The following RECQL5 variants were observed in gnomAD, a reference collection of about 807,000 sequenced individuals.
RECQL5 encodes RecQ like helicase 5.
In RECQL5, 88 loss-of-function variants were observed where a neutral mutation model predicts 103.4. The ratio of observed to expected loss-of-function variants is 0.85; its 90% CI spans 0.72 to 1.02. RECQL5 has a LOEUF of 1.02. Among genes scored for constraint, RECQL5 ranks in the 50% least tolerant of loss-of-function variants. The probability of loss-of-function intolerance (pLI) is 0.00; values close to 1 mark genes in which losing one functional copy is unlikely to be tolerated. For synonymous variants in RECQL5, 552 were observed against 507.9 expected (o/e 1.09, Z -1.17); for missense variants, 1,232 against 1,284.3 (o/e 0.96, Z 0.62).
intron 8 of RECQL5, chr17:75,650,784 A>G: frequency 2.5e-6 from 4 of 1,568,734 alleles, no homozygotes; most frequent in Non-Finnish European, 2.6e-6. Flanking sequence ...AAGTGGGGCC[A>G]CAGGCTTCTG....
chr17:75,629,222 C>CT lies in RECQL5; in HGVS notation c.2200dup (p.Ser734LysfsTer14), dbSNP rs1568255229. On this transcript the variant is annotated frameshift_variant, in exon 16 of 20. Transcript: ENST00000317905. LOFTEE classifies it high-confidence loss of function. The stretch of plus-strand genomic sequence containing the variant: ...GGCAAGGGAGCTGCCCCCAGAGGAA[C>CT]TTTTTGCCTTCTTCTCAGGGGAGGG... The CT allele has an allele frequency of 2.5e-6, 4 of 1,613,020 alleles. No individual in the cohort carries two copies. In the South Asian group the frequency reaches 3.3e-5, roughly 13 times the overall value.
rs1280160898 is a variant in RECQL5, at chr17:75,666,641, A to G, written c.-14-70T>C. 8 of 1,455,144 alleles carry G rather than the reference A, an allele frequency of 5.5e-6. No homozygotes were observed. The Admixed American group carries it at 1.7e-4, about 32-fold the overall frequency. 90.1% of individuals were successfully genotyped at this position (1,455,144 alleles called of 1,614,324 possible). A position where few individuals can be genotyped will look rare whatever the true frequency, so the allele number is the denominator to read the frequency against. ...ACCCTCTGTTTTGCATTAAAAATAC[A>G]GATTATTTTTCTGTAACAATTTGCT... On this transcript the variant is annotated intron_variant, in intron 1 of 19. Coordinates refer to ENST00000317905, the MANE Select transcript of RECQL5 (RefSeq NM_004259.7).
At position 75,628,818 on chromosome 17, in the gene RECQL5, C is replaced by T. The variant is rs374712077; in HGVS notation, c.2490-56G>A. On this transcript the variant is annotated intron_variant, in intron 16 of 19. Coordinates refer to ENST00000317905, the MANE Select transcript of RECQL5 (RefSeq NM_004259.7). ...CTGGGTCCTGGTGGCTCCCTCATCC[C>T]AGGAGGCCTAGGAGAGCCCATCTCA... The T allele has an allele frequency of 4.4e-6, 7 of 1,603,920 alleles. No homozygotes were observed. The African/African-American group carries it at 6.7e-5, about 15-fold the overall frequency.
At chr17:75,633,766 AG>A (rs1203114772) in intron 8 of RECQL5, 1 of 1,023,096 alleles carries the variant, frequency 9.8e-7, no homozygotes, top group Non-Finnish European at 1.2e-6. Context: ...CCACAGGCTC[AG>A]GTGGAGCCTC....
At chr17:75,631,417 G>A in intron 9 of RECQL5, 33 bp downstream of exon 9, 1 of 1,595,982 alleles carries the variant, frequency 6.3e-7, no homozygotes, top group Non-Finnish European at 8.6e-7. Flanking sequence ...GGCAATTCCA[G>A]CGGGTTGGAG....
intron 17 of RECQL5, 62 bp downstream of exon 17, chr17:75,628,610 A>G (rs1264122231): frequency 6.6e-6 from 10 of 1,524,658 alleles, no homozygotes; most frequent in Non-Finnish European, 8.7e-6. Flanking sequence ...GCAGGGCACA[A>G]CAGCTCCTGG....
At chr17:75,630,492 C>A in intron 13 of RECQL5, 127 bp downstream of exon 13, 1 of 1,074,718 alleles carries the variant, frequency 9.3e-7, no homozygotes, top group Non-Finnish European at 1.4e-6. Flanking sequence ...TAGGGGCAGT[C>A]CCCTGGAGTA....
In RECQL5 at chr17:75,665,183, A is replaced by G. The variant is rs778486506; in HGVS notation, c.131-11T>C. 6.2e-7 allele frequency: 1 copy of G among 1,604,534 alleles called. No homozygotes were observed. The highest frequency in any genetic ancestry group is 1.7e-5 in the Admixed American group (1 of 57,478). ...AGACGTCCTTGTTACCTGAAAAAAT[A>G]CAAGACAACAATATCTCAGTGCTTC... On this transcript the variant is annotated splice_polypyrimidine_tract_variant and intron_variant, in intron 2 of 19. Transcript: ENST00000317905.
rs1555706020 is a variant in RECQL5, at chr17:75,630,842, G to GGC, written c.1586-6_1586-5insGC. The GGC allele has an allele frequency of 5.6e-6, 7 of 1,255,680 alleles. No individual in the cohort carries two copies. Among genetic ancestry groups the GGC allele is most frequent in the Middle Eastern group, 2.1e-4 (1 of 4,802 alleles). The allele number at this position is 1,255,680 out of a possible 1,614,324, so 77.8% of individuals were successfully genotyped here. ...CTTTCAGGGGACAGTTCTCATCTGT[G>GGC]GGGGGGGGGGGTGGTCCTTGGTCCT... is the stretch of plus-strand genomic sequence containing the variant. On this transcript the variant is annotated splice_region_variant and splice_polypyrimidine_tract_variant and intron_variant, in intron 11 of 19. Coordinates refer to ENST00000317905, the MANE Select transcript of RECQL5 (RefSeq NM_004259.7).
chr17:75,628,552 A>G (rs1386415267), intron 17 of RECQL5, 110 bp from the exon 18 acceptor site: 55 of 1,513,664 alleles, frequency 3.6e-5, no homozygotes, highest in Middle Eastern at 2.3e-4. Context: ...AGCCCAGCCC[A>G]TCTGCTGCCA....
intron 9 of RECQL5, 82 bp downstream of exon 9, chr17:75,631,368 T>C: frequency 1.9e-6 from 3 of 1,542,650 alleles, no homozygotes; most frequent in Non-Finnish European, 2.7e-6. Context: ...TGCGGCATCG[T>C]GCCACCTCTG....
rs2059317556 is a variant in RECQL5 at position 75,636,146 on chromosome 17, C to T, written c.1230-4478G>A. ...CCTGGTGGCAGCTGGGCTACACTCC[C>T]TCTTAAGGCCAGAGGGAGCCACCAC... On this transcript the variant is annotated intron_variant, in intron 8 of 19. Coordinates refer to ENST00000317905, the MANE Select transcript of RECQL5 (RefSeq NM_004259.7). This position sits in a 1 kb window ranked among gnomAD's most constrained non-coding sequence, Gnocchi z 5.4. 6.6e-6 allele frequency among the ~76,000 whole-genome samples: 1 copy of T among 152,214 alleles called. No individual in the cohort carries two copies. Among genetic ancestry groups the T allele is most frequent in the Non-Finnish European group, 1.5e-5 (1 of 68,036 alleles).
At chr17:75,650,877 T>C (rs2148315795) in intron 8 of RECQL5, 4 of 1,460,284 alleles carry the variant, frequency 2.7e-6, no homozygotes, top group South Asian at 2.8e-5. Context: ...ACAAAGCCGA[T>C]GGCTCAGAGC....
At chr17:75,648,356 C>T (rs1263495084) in intron 8 of RECQL5, among the ~76,000 whole-genome samples, 1 of 152,038 alleles carries the variant, frequency 6.6e-6, no homozygotes, top group African/African-American at 2.4e-5. Context: ...ATTTACAGGA[C>T]TTATATGTCT....
At chr17:75,658,176 A>G (rs1000031005) in intron 7 of RECQL5, 122 bp downstream of exon 7, 1 of 989,358 alleles carries the variant, frequency 1.0e-6, no homozygotes, top group African/African-American at 1.6e-5. Context: ...CCTTTGCTAT[A>G]CTTACAGGTT....
chr17:75,630,841 TGGGGG>T lies in RECQL5; in HGVS notation c.1586-9_1586-5del. On this transcript the variant is annotated splice_region_variant and splice_polypyrimidine_tract_variant and intron_variant, in intron 11 of 19. Coordinates refer to ENST00000317905, the MANE Select transcript of RECQL5 (RefSeq NM_004259.7). ...TCTTTCAGGGGACAGTTCTCATCTG[TGGGGG>T]GGGGGGGTGGTCCTTGGTCCTTTCG... 1.6e-5 allele frequency: 18 copies of T among 1,129,360 alleles called. No individual in the cohort carries two copies. The highest frequency in any genetic ancestry group is 2.0e-5 in the Non-Finnish European group (17 of 850,950). The allele number at this position is 1,129,360 out of a possible 1,614,324, so 70.0% of individuals were successfully genotyped here. A position where few individuals can be genotyped will look rare whatever the true frequency, so the allele number is the denominator to read the frequency against.
intron 6 of RECQL5, among the ~76,000 whole-genome samples, chr17:75,659,848 G>A (rs577747568): frequency 2.0e-5 from 3 of 152,282 alleles, no homozygotes; most frequent in African/African-American, 7.2e-5. Flanking sequence ...AGCCCAAAAC[G>A]CCTCTTGAAG....
rs773777337 is a variant in RECQL5 at position 75,661,047 on chromosome 17, T to C, written c.894A>G (p.Arg298=). ...CCATCCAGTCGTTCTGCACCAGCGT[T>C]CTTTCAGAGGCCTTCAGCCCTGTAA... ...AYHAGLKASE[R]TLVQNDWMEE... is the part of the protein sequence containing the mutation. Residue 298 remains arginine, a synonymous_variant, in exon 6 of 20, where the codon AGA becomes AGG. Coordinates refer to ENST00000317905, the MANE Select transcript of RECQL5 (RefSeq NM_004259.7). 4 of 1,614,132 alleles carry C rather than the reference T, an allele frequency of 2.5e-6. No homozygotes were observed. Among genetic ancestry groups the C allele is most frequent in the Non-Finnish European group, 2.5e-6 (3 of 1,179,950 alleles).
chr17:75,650,859 T>C (rs1599036431), intron 8 of RECQL5: 2 of 1,467,140 alleles, frequency 1.4e-6, no homozygotes, highest in South Asian at 2.7e-5. Flanking sequence ...CGGTGGCACA[T>C]GATGACCACA....
Sources: allele counts gnomAD v4.1 joint callset (sites outside exome capture counted in the v4.1 genomes callset), GRCh38; gene constraint gnomAD v4.1.1; non-coding constraint Gnocchi (gnomAD v3.1); transcripts MANE v1.5; gene names NCBI Gene and HGNC (gene_info 2026-07-23, HGNC 2026-07-21).